The following SLC5A4 variants were observed in gnomAD, a reference collection of about 807,000 sequenced individuals.
The protein encoded by SLC5A4 is solute carrier family 5 member 4, also known as probable glucose sensor protein SLC5A4.
SLC5A4 carries 55 observed loss-of-function variants against 70.3 expected under a neutral mutation model. The observed-to-expected ratio is 0.78, with a 90% CI of 0.63 to 0.98. The LOEUF (loss-of-function observed/expected upper bound fraction) is 0.98. Among genes scored for constraint, SLC5A4 ranks in the 50% least tolerant of loss-of-function variants. SLC5A4 has a pLI of 0.00. For missense variants in SLC5A4, 735 were observed against 839.2 expected (o/e 0.88, Z 1.53); for synonymous variants, 268 against 305.7 (o/e 0.88, Z 1.29).
At chr22:32,344,598 C>T in the SLC5A4 span, among the ~76,000 whole-genome samples, 1 of 152,056 alleles carries the variant, frequency 6.6e-6, no homozygotes, top group South Asian at 2.1e-4. Flanking sequence ...ATGAGATTTT[C>T]AGTATTCTTT....
chr22:32,288,018 T>TC, the SLC5A4 span, among the ~76,000 whole-genome samples: 4 of 105,722 alleles, frequency 3.8e-5, no homozygotes, highest in African/African-American at 1.2e-4. Context: ...TCTTTCTTTC[T>TC]TTTTTTTTTT....
intron 5 of SLC5A4, among the ~76,000 whole-genome samples, chr22:32,245,416 C>T (rs1770436436): frequency 6.6e-6 from 1 of 152,246 alleles, no homozygotes; most frequent in African/African-American, 2.4e-5. Context: ...CCACCAGTGA[C>T]CCTCCAGTCT....
chr22:32,252,032 AT>A (rs752121112), intron 2 of SLC5A4, among the ~76,000 whole-genome samples, 158 bp from the exon 3 acceptor site: 3 of 152,070 alleles, frequency 2.0e-5, no homozygotes, highest in Non-Finnish European at 2.9e-5. Context: ...GATCAAGACC[AT>A]CCTGGCTAAC....
intron 5 of SLC5A4, among the ~76,000 whole-genome samples, chr22:32,247,147 T>C (rs1700696970): frequency 6.6e-6 from 1 of 152,206 alleles, no homozygotes; most frequent in South Asian, 2.1e-4. Flanking sequence ...TACATCCATT[T>C]TTTCATATCC....
Position 32,231,044 on chromosome 22 carries a change from G to T in SLC5A4, c.1053C>A (p.Cys351Ter). ...CAACATCAACGCCACAGTGTTTCAC[G>T]CATTCAGAAGGTACCACACATGCTA... ...DMVACVVPSE[C>*]VKHCGVDVGC... is the part of the protein sequence containing the mutation. The change falls in exon 10 of 15, where the codon TGC becomes TGA. Residue 351 changes from cysteine (C) to a stop codon, truncating the protein, a stop_gained. Coordinates refer to ENST00000266086, the MANE Select transcript of SLC5A4 (RefSeq NM_014227.3). LOFTEE classifies it high-confidence loss of function. 6.2e-7 allele frequency: 1 copy of T among 1,613,726 alleles called. No individual in the cohort carries two copies. The highest frequency in any genetic ancestry group is 2.2e-5 in the East Asian group (1 of 44,878).
chr22:32,338,630 C>G, the SLC5A4 span, among the ~76,000 whole-genome samples: 1 of 152,210 alleles, frequency 6.6e-6, no homozygotes, highest in Non-Finnish European at 1.5e-5. Flanking sequence ...GATCACACCA[C>G]TGCACTCCAG....
intron 5 of SLC5A4, among the ~76,000 whole-genome samples, chr22:32,240,681 C>A (rs1316460741): frequency 2.6e-5 from 4 of 152,194 alleles, no homozygotes; most frequent in Middle Eastern, 6.8e-3. Context: ...AAAGAATTCA[C>A]CCCTACCCTT....
chr22:32,287,944 C>T, the SLC5A4 span, among the ~76,000 whole-genome samples: 1 of 151,632 alleles, frequency 6.6e-6, no homozygotes, highest in Non-Finnish European at 1.5e-5. Context: ...AATCTCCAGA[C>T]CAAGAAGAAG....
the SLC5A4 span, chr22:32,270,356 A>G: frequency 7.6e-7 from 1 of 1,317,612 alleles, no homozygotes; most frequent in Non-Finnish European, 1.1e-6. Flanking sequence ...GTGCTGCAGA[A>G]GAGCATCCAG....
chr22:32,354,101 G>A, the SLC5A4 span, among the ~76,000 whole-genome samples: 1 of 147,460 alleles, frequency 6.8e-6, no homozygotes, highest in South Asian at 2.2e-4. Flanking sequence ...CCAGCTCCCT[G>A]GCACGCAGTA....
At chr22:32,223,884 T>C (rs1925227378) in intron 13 of SLC5A4, among the ~76,000 whole-genome samples, 1 of 152,218 alleles carries the variant, frequency 6.6e-6, no homozygotes, top group African/African-American at 2.4e-5. Flanking sequence ...AATGAATACA[T>C]TTCCTGGAAC....
At chr22:32,272,431 T>A in the SLC5A4 span, 1 of 862,606 alleles carries the variant, frequency 1.2e-6, no homozygotes, top group East Asian at 2.6e-5. Context: ...CAGGCAGCTC[T>A]ACATCCACCA....
In SLC5A4 at chr22:32,233,059, A is replaced by T. The variant is rs140482211; in HGVS notation, c.886-25T>A. ...CCTGCCGGGAGAACGTGACACACTCATGAAACAAGCCAGGGGATGATTTCA... is the reference window on the plus strand; with the variant it reads ...CCTGCCGGGAGAACGTGACACACTCTTGAAACAAGCCAGGGGATGATTTCA... On this transcript the variant is annotated intron_variant, in intron 8 of 14. Coordinates refer to ENST00000266086, the MANE Select transcript of SLC5A4 (RefSeq NM_014227.3). The T allele has an allele frequency of 5.3e-4, 855 of 1,603,994 alleles. 3 individuals are homozygous for T. The African/African-American group carries it at 0.01, about 20-fold the overall frequency.
the SLC5A4 span, among the ~76,000 whole-genome samples, chr22:32,354,159 G>A: frequency 6.8e-6 from 1 of 146,726 alleles, no homozygotes; most frequent in Non-Finnish European, 1.5e-5. Flanking sequence ...ACGGGCAGTG[G>A]ATACGTCCCT....
chr22:32,314,341 G>A, the SLC5A4 span, among the ~76,000 whole-genome samples: 1 of 152,282 alleles, frequency 6.6e-6, no homozygotes, highest in South Asian at 2.1e-4. Context: ...GAGGGTTAAG[G>A]TGATTGTGTG....
At chr22:32,305,226 G>A in the SLC5A4 span, among the ~76,000 whole-genome samples, 1 of 151,486 alleles carries the variant, frequency 6.6e-6, no homozygotes, top group African/African-American at 2.4e-5. Flanking sequence ...TTTTTTTATG[G>A]GTTTCAGATG....
At chr22:32,307,306 C>A in the SLC5A4 span, among the ~76,000 whole-genome samples, 43 of 152,160 alleles carry the variant, frequency 2.8e-4, 1 homozygote, top group Non-Finnish European at 1.9e-4. Flanking sequence ...TATCTAGCAT[C>A]AGCTGTTGGC....
At chr22:32,319,582 T>C in the SLC5A4 span, among the ~76,000 whole-genome samples, 32 of 152,288 alleles carry the variant, frequency 2.1e-4, no homozygotes, top group South Asian at 6.6e-3. Flanking sequence ...ACCTACAGTG[T>C]GTGTCTTCAT....
At chr22:32,303,227 G>A in the SLC5A4 span, among the ~76,000 whole-genome samples, 1 of 152,170 alleles carries the variant, frequency 6.6e-6, no homozygotes, top group Non-Finnish European at 1.5e-5. Context: ...ATACATTTTA[G>A]GGAGACATGA....
Sources: allele counts gnomAD v4.1 joint callset (sites outside exome capture counted in the v4.1 genomes callset), GRCh38; gene constraint gnomAD v4.1.1; transcripts MANE v1.5; gene names NCBI Gene and HGNC (gene_info 2026-07-23, HGNC 2026-07-21).